NEDD4L: variants seen among roughly 807,000 people sequenced by gnomAD.
The protein encoded by NEDD4L is E3 ubiquitin-protein ligase NEDD4-like.
NEDD4L carries 54 observed loss-of-function variants against 148.9 expected under a neutral mutation model. The ratio of observed to expected loss-of-function variants is 0.36; its 90% CI spans 0.29 to 0.45. NEDD4L has a LOEUF of 0.45. Among genes scored for constraint, NEDD4L ranks in the 20% least tolerant of loss-of-function variants. NEDD4L has a pLI of 1.00. For missense variants in NEDD4L, 856 were observed against 1,233.8 expected (o/e 0.69, Z 4.59); for synonymous variants, 433 against 440.7 (o/e 0.98, Z 0.22).
intron 27 of NEDD4L, chr18:58,388,324 G>A (rs1404392354): frequency 6.6e-6 from 1 of 152,190 alleles, no homozygotes; most frequent in Non-Finnish European, 1.5e-5. Context: ...GATGTCTATA[G>A]AAATCATATA....
At chr18:58,228,347 C>T (rs955222780) in intron 2 of NEDD4L, among the ~76,000 whole-genome samples, 5 of 152,184 alleles carry the variant, frequency 3.3e-5, no homozygotes, top group South Asian at 2.1e-4. Flanking sequence ...TTTAACGTTA[C>T]GTGCATGCCA....
chr18:58,275,942 G>A (rs531328148), intron 5 of NEDD4L, among the ~76,000 whole-genome samples: 12 of 152,288 alleles, frequency 7.9e-5, no homozygotes, highest in African/African-American at 2.2e-4. Context: ...GGCTCTGCAG[G>A]CCTCTAAGCT....
At chr18:58,365,232 A>G (rs1323739237) in intron 20 of NEDD4L, among the ~76,000 whole-genome samples, 2 of 152,208 alleles carry the variant, frequency 1.3e-5, no homozygotes, top group African/African-American at 4.8e-5. Context: ...TTTGCCTTCA[A>G]AACTCAAATG....
At chr18:58,271,066 T>G (rs1030568119) in intron 5 of NEDD4L, among the ~76,000 whole-genome samples, 1 of 151,874 alleles carries the variant, frequency 6.6e-6, no homozygotes, top group Non-Finnish European at 1.5e-5. Context: ...CGGCACATAT[T>G]AATGCTTAAT....
chr18:58,103,197 T>C (rs1450487111), intron 1 of NEDD4L, among the ~76,000 whole-genome samples: 6 of 149,220 alleles, frequency 4.0e-5, no homozygotes, highest in Non-Finnish European at 7.4e-5. Context: ...ATTTGCTATA[T>C]ATAGTAATGC....
intron 1 of NEDD4L, among the ~76,000 whole-genome samples, chr18:58,066,325 G>A (rs1463931920): frequency 6.6e-6 from 1 of 150,596 alleles, no homozygotes; most frequent in Admixed American, 6.6e-5. Flanking sequence ...GTTGAATGCT[G>A]AGGCTTGTTT....
At chr18:58,076,535 G>C (rs964757227) in intron 1 of NEDD4L, among the ~76,000 whole-genome samples, 1 of 152,126 alleles carries the variant, frequency 6.6e-6, no homozygotes, top group African/African-American at 2.4e-5. Flanking sequence ...GTTGGGAAAA[G>C]GGCCAAAAGA....
chr18:58,356,827 C>CT (rs2145813690), intron 18 of NEDD4L, among the ~76,000 whole-genome samples: 1 of 152,166 alleles, frequency 6.6e-6, no homozygotes, highest in Non-Finnish European at 1.5e-5. Flanking sequence ...TTTTGGGAAA[C>CT]TAAGACTTTT....
At chr18:58,214,803 T>C (rs111394449) in intron 2 of NEDD4L, among the ~76,000 whole-genome samples, 9 of 47,334 alleles carry the variant, frequency 1.9e-4, no homozygotes, top group African/African-American at 2.4e-4. Flanking sequence ...TTCTTTCATT[T>C]TTTTTTTTTT....
intron 1 of NEDD4L, among the ~76,000 whole-genome samples, chr18:58,065,631 G>A (rs1234954197): frequency 6.6e-6 from 1 of 152,158 alleles, no homozygotes; most frequent in African/African-American, 2.4e-5. Flanking sequence ...TCTTAATCGG[G>A]TGCCTGTGGG....
chr18:58,194,741 T>C (rs1424430320), intron 2 of NEDD4L, among the ~76,000 whole-genome samples: 2 of 152,222 alleles, frequency 1.3e-5, no homozygotes, highest in Non-Finnish European at 2.9e-5. Flanking sequence ...AATATTTTGC[T>C]ATTGGGTATG....
At chr18:58,094,724 G>T (rs2084279961) in intron 1 of NEDD4L, among the ~76,000 whole-genome samples, 1 of 152,106 alleles carries the variant, frequency 6.6e-6, no homozygotes, top group Non-Finnish European at 1.5e-5. Context: ...GCTGAGTGGA[G>T]TGCCACTGCA....
At chr18:58,073,445 A>C (rs77876029) in intron 1 of NEDD4L, among the ~76,000 whole-genome samples, 3,588 of 152,282 alleles carry the variant, frequency 0.024, 153 homozygotes, top group African/African-American at 0.082. Flanking sequence ...TAGACCCTTA[A>C]CTTTACAGTC....
intron 1 of NEDD4L, among the ~76,000 whole-genome samples, chr18:58,118,911 C>G: frequency 6.6e-6 from 1 of 152,110 alleles, no homozygotes; most frequent in Non-Finnish European, 1.5e-5. Flanking sequence ...AACTGGGTTT[C>G]TCTTGAAGGT....
intron 1 of NEDD4L, among the ~76,000 whole-genome samples, chr18:58,090,594 C>T (rs2084019475): frequency 6.6e-6 from 1 of 152,230 alleles, no homozygotes; most frequent in Non-Finnish European, 1.5e-5. Flanking sequence ...TCTCCTGCCT[C>T]AGCCTCCCAA....
chr18:58,059,756 A>G (rs1042845837), intron 1 of NEDD4L, among the ~76,000 whole-genome samples: 1 of 152,224 alleles, frequency 6.6e-6, no homozygotes, highest in African/African-American at 2.4e-5. Flanking sequence ...TTGCCAAGAC[A>G]GTAGATTTTA....
At chr18:58,319,909 G>T (rs1485734008) in intron 6 of NEDD4L, among the ~76,000 whole-genome samples, 1 of 152,128 alleles carries the variant, frequency 6.6e-6, no homozygotes, top group South Asian at 2.1e-4. Flanking sequence ...TCAGTTGATT[G>T]GTTTGATCCT....
chr18:58,050,134 A>C (rs1208416293), intron 1 of NEDD4L, among the ~76,000 whole-genome samples: 3 of 152,128 alleles, frequency 2.0e-5, no homozygotes, highest in African/African-American at 4.8e-5. Flanking sequence ...ATTGAACATC[A>C]GTTTCCTTAA....
intron 1 of NEDD4L, among the ~76,000 whole-genome samples, chr18:58,151,008 A>G (rs1245980686): frequency 6.6e-6 from 1 of 152,190 alleles, no homozygotes; most frequent in African/African-American, 2.4e-5. Context: ...CCAGGCAGAG[A>G]TTGGGATCTA....
Sources: allele counts gnomAD v4.1 joint callset (sites outside exome capture counted in the v4.1 genomes callset), GRCh38; gene constraint gnomAD v4.1.1; transcripts MANE v1.5; gene names NCBI Gene and HGNC (gene_info 2026-07-23, HGNC 2026-07-21).